The following NEDD4L variants were observed in gnomAD, a reference collection of about 807,000 sequenced individuals.
The protein encoded by NEDD4L is NEDD4 like E3 ubiquitin protein ligase.
Under a neutral mutation model 148.9 loss-of-function variants are expected in NEDD4L, and 54 were observed. The ratio of observed to expected loss-of-function variants is 0.36; its 90% confidence interval spans 0.29 to 0.45. The LOEUF (loss-of-function observed/expected upper bound fraction) is 0.45. NEDD4L is among the 20% of genes least tolerant of loss of function. The pLI is 1.00. For synonymous variants in NEDD4L, 433 were observed against 440.7 expected (o/e 0.98, Z 0.22); for missense variants, 856 against 1,233.8 (o/e 0.69, Z 4.59).
intron 1 of NEDD4L, among the ~76,000 whole-genome samples, chr18:58,104,812 T>C (rs1365579522): frequency 6.6e-6 from 1 of 152,192 alleles, no homozygotes; most frequent in African/African-American, 2.4e-5. Flanking sequence ...GGTTTCATAC[T>C]GAGTACTGCC....
intron 2 of NEDD4L, among the ~76,000 whole-genome samples, chr18:58,185,968 C>T (rs762523463): frequency 6.6e-6 from 1 of 152,146 alleles, no homozygotes; most frequent in South Asian, 2.1e-4. Context: ...CCAGTTCATG[C>T]AGCAGATACA....
intron 30 of NEDD4L, among the ~76,000 whole-genome samples, chr18:58,395,372 G>A (rs775354575): frequency 1.6e-4 from 25 of 152,060 alleles, no homozygotes; most frequent in Non-Finnish European, 3.1e-4. Context: ...GCTGTATGCC[G>A]GGCCCACTGA....
intron 5 of NEDD4L, among the ~76,000 whole-genome samples, chr18:58,283,704 A>C (rs199541464): frequency 9.8e-6 from 1 of 102,044 alleles, no homozygotes; most frequent in Non-Finnish European, 2.2e-5. Context: ...TTGAAAAGGT[A>C]ACTTACCTCG....
chr18:58,046,532 A>G (rs1322246435), intron 1 of NEDD4L: 1 of 152,252 alleles, frequency 6.6e-6, no homozygotes, highest in Non-Finnish European at 1.5e-5. Flanking sequence ...GTGCAGCTGG[A>G]TAAATGAAAC....
chr18:58,353,938 G>A (rs1192704061), intron 18 of NEDD4L, among the ~76,000 whole-genome samples: 1 of 152,210 alleles, frequency 6.6e-6, no homozygotes, highest in African/African-American at 2.4e-5. Flanking sequence ...GAGATGATGA[G>A]ATGCACTTGT....
At position 58,287,135 on chromosome 18, in the gene NEDD4L, A is replaced by T. The variant is rs1183203886; in HGVS notation, c.298-28847A>T. On this transcript the variant is annotated intron_variant, in intron 5 of 30. Transcript: ENST00000400345. ...TTTTTTTCTGGGCTGTTAGAATTTGACATTGTTCAACTTTAACTTTGTCCT... is the reference window on the plus strand; with the variant it reads ...TTTTTTTCTGGGCTGTTAGAATTTGTCATTGTTCAACTTTAACTTTGTCCT... 2.0e-5 allele frequency among the ~76,000 whole-genome samples: 3 copies of T among 147,956 alleles called. 1 individual carries two copies. Among genetic ancestry groups the T allele is most frequent in the Middle Eastern group, 6.9e-3 (2 of 290 alleles).
chr18:58,274,477 A>C (rs1405583495), intron 5 of NEDD4L, among the ~76,000 whole-genome samples: 1 of 152,168 alleles, frequency 6.6e-6, no homozygotes, highest in Non-Finnish European at 1.5e-5. Context: ...GTGTAGACCA[A>C]ACAGTTCAGG....
intron 1 of NEDD4L, among the ~76,000 whole-genome samples, chr18:58,080,286 T>C (rs1258839518): frequency 6.6e-6 from 1 of 152,254 alleles, no homozygotes; most frequent in East Asian, 1.9e-4. Flanking sequence ...CTCCGGCATA[T>C]GCACAGCAGT....
chr18:58,102,209 T>C (rs538120829), intron 1 of NEDD4L, among the ~76,000 whole-genome samples: 2 of 152,304 alleles, frequency 1.3e-5, no homozygotes, highest in African/African-American at 4.8e-5. Context: ...ATTTCCATTG[T>C]GTGAGAGGCA....
intron 2 of NEDD4L, chr18:58,195,291 G>A (rs1469701125): frequency 2.0e-5 from 11 of 561,318 alleles, no homozygotes; most frequent in Non-Finnish European, 2.7e-6. Flanking sequence ...TTTGTTGCAA[G>A]GGCAGCATTG....
chr18:58,087,272 C>T (rs988614488), intron 1 of NEDD4L, among the ~76,000 whole-genome samples: 1 of 152,190 alleles, frequency 6.6e-6, no homozygotes, highest in South Asian at 2.1e-4. Context: ...CTAAACTTTC[C>T]ATCAGGAAAT....
intron 1 of NEDD4L, among the ~76,000 whole-genome samples, chr18:58,105,862 G>A (rs935914424): frequency 2.0e-5 from 3 of 152,170 alleles, no homozygotes; most frequent in Non-Finnish European, 4.4e-5. Context: ...TCACTGGGTG[G>A]GGGTCATAGT....
intron 29 of NEDD4L, 29 bp from the exon 30 acceptor site, chr18:58,391,458 T>A (rs2049830179): frequency 6.6e-7 from 1 of 1,523,602 alleles, no homozygotes; most frequent in East Asian, 2.4e-5. Context: ...CCAAGCAATC[T>A]TAACATTTCT....
chr18:58,288,923 A>C (rs536923002), intron 5 of NEDD4L, among the ~76,000 whole-genome samples: 2 of 152,200 alleles, frequency 1.3e-5, no homozygotes, highest in Non-Finnish European at 2.9e-5. Flanking sequence ...CTTACACCAC[A>C]CACCCAGAGG....
chr18:58,044,574 G>T lies in NEDD4L; in HGVS notation c.-87G>T, dbSNP rs1030467626. The stretch of plus-strand genomic sequence containing the variant: ...GCAGGGTAGGGTGCGGGACCGGGGG[G>T]ACCTGGAGGCAGAGGGGAGAACCGG... On this transcript the variant is annotated 5_prime_UTR_variant, in exon 1 of 31. Transcript: ENST00000400345. 5.4e-5 allele frequency: 78 copies of T among 1,439,006 alleles called. No individual in the cohort carries two copies. The East Asian group carries it at 1.9e-3, about 35-fold the overall frequency. The allele number at this position is 1,439,006 out of a possible 1,614,324, so 89.1% of individuals were successfully genotyped here.
rs71173025 is a variant in NEDD4L, at chr18:58,052,647, CT to C, written c.48+7954del. Among the ~76,000 whole-genome samples the C allele has an allele frequency of 8.6e-3, 1,264 of 147,190 alleles. 7 individuals carry two copies. Among genetic ancestry groups the C allele is most frequent in the Middle Eastern group, 0.032 (9 of 280 alleles). ...AAGGGCCATTCAAAAGTGAGTTTTT[CT>C]TTTTTTTTTTTTTTAAGTTTAAAAA... On this transcript the variant is annotated intron_variant, in intron 1 of 30. Coordinates refer to ENST00000400345, the MANE Select transcript of NEDD4L (RefSeq NM_001144967.3).
chr18:58,146,105 G>A (rs987062601), intron 1 of NEDD4L, among the ~76,000 whole-genome samples: 2 of 152,174 alleles, frequency 1.3e-5, no homozygotes, highest in South Asian at 2.1e-4. Flanking sequence ...GAGTCATTGC[G>A]AGGATTAAAG....
intron 5 of NEDD4L, among the ~76,000 whole-genome samples, chr18:58,307,884 C>T (rs1467612917): frequency 6.6e-6 from 1 of 152,096 alleles, no homozygotes; most frequent in Non-Finnish European, 1.5e-5. Context: ...TCTTTGGTAG[C>T]TAAGTTCAGA....
intron 1 of NEDD4L, among the ~76,000 whole-genome samples, chr18:58,117,748 C>T (rs1450880938): frequency 6.6e-6 from 1 of 152,138 alleles, no homozygotes; most frequent in Non-Finnish European, 1.5e-5. Context: ...CTTTCTGGCA[C>T]TTGTGTTCTG....
Sources: gnomAD v4.1 joint callset for allele counts (sites outside exome capture counted in the v4.1 genomes callset) on GRCh38, gnomAD v4.1.1 for gene constraint, MANE v1.5 for transcripts, NCBI Gene and HGNC (gene_info 2026-07-23, HGNC 2026-07-21) for gene names.